The following LIN54 variants were observed in gnomAD, a reference collection of about 807,000 sequenced individuals.
The protein encoded by LIN54 is lin-54 DREAM MuvB core complex component.
A neutral mutation model predicts 78.7 loss-of-function variants in LIN54; 9 were observed. That is an observed-to-expected ratio of 0.11 (90% CI 0.07 to 0.20). The LOEUF is 0.20. Ranked by LOEUF, LIN54 falls within the 10% of genes least tolerant of loss-of-function variation. LIN54 has a pLI of 1.00. For missense variants in LIN54, 573 were observed against 889.9 expected, an observed-to-expected ratio of 0.64 and a Z score of 4.53; for synonymous variants, 269 against 318.4, an observed-to-expected ratio of 0.84 and a Z score of 1.65.
intron 1 of LIN54, among the ~76,000 whole-genome samples, chr4:82,998,591 A>G (rs560415295): frequency 1.4e-5 from 2 of 147,666 alleles, no homozygotes; most frequent in Non-Finnish European, 3.0e-5. Flanking sequence ...GAGAGAAAGA[A>G]AAGAGAGAAA....
chr4:82,945,079 C>T (rs1358616683), intron 5 of LIN54, among the ~76,000 whole-genome samples: 3 of 152,234 alleles, frequency 2.0e-5, no homozygotes, highest in Non-Finnish European at 4.4e-5. Flanking sequence ...CCAGACTGGT[C>T]ACGAACTCCT....
intron 1 of LIN54, among the ~76,000 whole-genome samples, chr4:82,996,807 G>GT: frequency 6.6e-6 from 1 of 152,048 alleles, no homozygotes; most frequent in South Asian, 2.1e-4. Flanking sequence ...TGGTTAAATG[G>GT]TTTAAGTCCG....
chr4:82,987,736 T>C (rs543819865), intron 1 of LIN54, among the ~76,000 whole-genome samples: 30 of 152,378 alleles, frequency 2.0e-4, no homozygotes, highest in African/African-American at 6.0e-4. Flanking sequence ...CTGCATAGTA[T>C]TCCATGGTGT....
At chr4:82,940,765 G>A (rs1296863603) in intron 5 of LIN54, among the ~76,000 whole-genome samples, 1 of 152,166 alleles carries the variant, frequency 6.6e-6, no homozygotes, top group East Asian at 1.9e-4. Context: ...TAAGAACATG[G>A]ACTCTAAAGT....
rs1203910555 is a variant in LIN54 at position 83,001,951 on chromosome 4, G to A, written c.-33+8533C>T. ...GGAGGGAAGGAAGGAAGGAAGGAAG[G>A]AAGGAAGGAAGGAAGGAAGGAAGGA... On this transcript the variant is annotated intron_variant, in intron 1 of 12. Transcript: ENST00000340417. 1.3e-3 allele frequency among the ~76,000 whole-genome samples: 12 copies of A among 8,946 alleles called. 2 individuals carry two copies. The highest frequency in any genetic ancestry group is 3.6e-3 in the East Asian group (1 of 278). 5.9% of individuals were successfully genotyped at this position (8,946 alleles called of 152,430 possible).
intron 2 of LIN54, among the ~76,000 whole-genome samples, chr4:82,983,181 G>A (rs1226523329): frequency 6.6e-6 from 1 of 151,834 alleles, no homozygotes; most frequent in Admixed American, 6.6e-5. Context: ...CTAATTTTTT[G>A]TATTTTTAGT....
chr4:83,006,251 C>A (rs1729350206), intron 1 of LIN54, among the ~76,000 whole-genome samples: 1 of 152,036 alleles, frequency 6.6e-6, no homozygotes, highest in Admixed American at 6.6e-5. Context: ...AGAGCAGTAT[C>A]ATCCTGGCTA....
In LIN54 at chr4:82,973,624, T is replaced by G. The variant is rs935083793; in HGVS notation, c.809-3155A>C. Among the ~76,000 whole-genome samples, 7 of 152,362 alleles carry G rather than the reference T, an allele frequency of 4.6e-5. No homozygotes were observed. The East Asian group carries it at 1.3e-3, about 29-fold the overall frequency. On this transcript the variant is annotated intron_variant, in intron 3 of 12. Transcript: ENST00000340417. ...GCCAAATTCTTTAAGAGATTAATTT[T>G]ACATTGTGATGAAGCTTGCTCCCAT...
chr4:82,996,730 TAAA>T lies in LIN54; in HGVS notation c.-32-11857_-32-11855del, dbSNP rs1294728750. On this transcript the variant is annotated intron_variant, in intron 1 of 12. Coordinates refer to ENST00000340417, the MANE Select transcript of LIN54 (RefSeq NM_194282.4). ...CTTCCAATATTTTTAGTTCATAAAATAAAAGTTCTAAAGGCAAAGTATGTTCTA... is the reference window on the plus strand; with the variant it reads ...CTTCCAATATTTTTAGTTCATAAAATAGTTCTAAAGGCAAAGTATGTTCTA... Among the ~76,000 whole-genome samples, 3 of 152,122 alleles carry T rather than the reference TAAA, an allele frequency of 2.0e-5. No individual in the cohort carries two copies. The East Asian group carries it at 5.8e-4, about 29-fold the overall frequency.
chr4:82,936,189 T>G (rs1341039435), intron 10 of LIN54, 71 bp from the exon 11 acceptor site: 5 of 1,568,086 alleles, frequency 3.2e-6, no homozygotes, highest in Non-Finnish European at 4.4e-6. Context: ...GCAAAAGGAA[T>G]TGATAACGTT....
intron 3 of LIN54, among the ~76,000 whole-genome samples, chr4:82,975,557 A>G (rs1443818300): frequency 1.3e-5 from 2 of 151,776 alleles, no homozygotes; most frequent in Non-Finnish European, 2.9e-5. Context: ...CTAAAAATAC[A>G]AAAAATTAGC....
chr4:82,942,594 G>T (rs1722995237), intron 5 of LIN54, among the ~76,000 whole-genome samples: 1 of 152,108 alleles, frequency 6.6e-6, no homozygotes, highest in Admixed American at 6.5e-5. Flanking sequence ...ATGCTAGAAG[G>T]AATTAAAAGG....
In LIN54 at chr4:82,984,268, C is replaced by G. The variant is rs1726927373; in HGVS notation, c.577G>C (p.Glu193Gln). The change falls in exon 2 of 13, where the codon GAG (glutamate) becomes CAG (glutamine). Residue 193 changes from glutamate (E) to glutamine (Q), a missense_variant. Physicochemically the swap from Glu to Gln is conservative, Grantham distance 29. This residue lies in a region of LIN54 where 183 missense variants were observed against 228.4 expected (regional missense o/e 0.80). Coordinates refer to ENST00000340417, the MANE Select transcript of LIN54 (RefSeq NM_194282.4). ...IKVVTIGGRPEVKPVIGVSAL... is the reference protein window; with the variant it reads ...IKVVTIGGRPQVKPVIGVSAL... The stretch of plus-strand genomic sequence containing the variant: ...GAGACACCAATGACAGGTTTCACCT[C>G]TGGCCTCCCTCCAATGGTAACTACT... 1.9e-6 allele frequency: 3 copies of G among 1,614,066 alleles called. No individual in the cohort carries two copies. Among genetic ancestry groups the G allele is most frequent in the African/African-American group, 1.3e-5 (1 of 74,914 alleles).
intron 3 of LIN54, among the ~76,000 whole-genome samples, chr4:82,973,755 A>G (rs1462437765): frequency 2.6e-5 from 4 of 152,240 alleles, no homozygotes; most frequent in Non-Finnish European, 5.9e-5. Context: ...TACTAAACTA[A>G]GATGAACAAA....
chr4:82,928,534 C>T (rs555279232), intron 12 of LIN54, among the ~76,000 whole-genome samples: 6 of 152,134 alleles, frequency 3.9e-5, no homozygotes, highest in Non-Finnish European at 8.8e-5. Flanking sequence ...ACATAAAACA[C>T]GTTACTTATT....
At chr4:82,928,412 C>A in intron 12 of LIN54, 109 bp from the exon 13 acceptor site, 1 of 841,172 alleles carries the variant, frequency 1.2e-6, no homozygotes, top group Non-Finnish European at 2.0e-6. Flanking sequence ...AATTCACCAG[C>A]AGGATGAGCA....
At chr4:82,979,452 C>T (rs1010946599) in intron 2 of LIN54, among the ~76,000 whole-genome samples, 1 of 151,970 alleles carries the variant, frequency 6.6e-6, no homozygotes, top group African/African-American at 2.4e-5. Context: ...AATAAATACA[C>T]ATTAAAGGTA....
At chr4:82,929,157 TACAA>T (rs1467423769) in intron 12 of LIN54, among the ~76,000 whole-genome samples, 1 of 152,210 alleles carries the variant, frequency 6.6e-6, no homozygotes, top group Non-Finnish European at 1.5e-5. Flanking sequence ...ATCTTTAACA[TACAA>T]ACAAGCACTT....
At chr4:82,980,717 A>G (rs770654756) in intron 2 of LIN54, among the ~76,000 whole-genome samples, 4 of 152,144 alleles carry the variant, frequency 2.6e-5, no homozygotes, top group Non-Finnish European at 5.9e-5. Flanking sequence ...TTAAAACCCT[A>G]AAGTCAGTCA....
Sources: gnomAD v4.1 joint callset for allele counts (sites outside exome capture counted in the v4.1 genomes callset) on GRCh38, gnomAD v4.1.1 for gene constraint, gnomAD v4.1.1 regional missense constraint, MANE v1.5 for transcripts, NCBI Gene and HGNC (gene_info 2026-07-23, HGNC 2026-07-21) for gene names.